Variants in SRGAP3 observed in about 807,000 individuals in gnomAD.
The protein encoded by SRGAP3 is SLIT-ROBO Rho GTPase activating protein 3.
In SRGAP3, 39 loss-of-function variants were observed where a neutral mutation model predicts 121.1. The observed-to-expected ratio is 0.32, with a 90% CI of 0.25 to 0.42. SRGAP3 has a LOEUF of 0.42. SRGAP3 is among the 10% of genes least tolerant of loss of function. SRGAP3 has a pLI of 1.00. For synonymous variants in SRGAP3, 601 were observed against 570.0 expected, an observed-to-expected ratio of 1.05 and a Z score of -0.77; for missense variants, 1,213 against 1,470.6, an observed-to-expected ratio of 0.82 and a Z score of 2.86.
At chr3:9,216,683 G>T (rs1375704321) in intron 1 of SRGAP3, 1 of 152,658 alleles carries the variant, frequency 6.6e-6, no homozygotes, top group Non-Finnish European at 1.5e-5. Context: ...GAGGTACTGA[G>T]GGGCCAAGTC....
intron 17 of SRGAP3, 81 bp from the exon 18 acceptor site, chr3:9,010,468 G>T: frequency 6.5e-7 from 1 of 1,534,930 alleles, no homozygotes; most frequent in Non-Finnish European, 9.0e-7. Flanking sequence ...TGCCAGTCCA[G>T]TTGGCCTCTG....
chr3:9,223,392 A>C (rs28415361), intron 1 of SRGAP3, among the ~76,000 whole-genome samples: 1,557 of 152,338 alleles, frequency 0.01, 27 homozygotes, highest in African/African-American at 0.036. Context: ...TAATGAATTA[A>C]ATAGATTTTT....
chr3:9,243,770 G>A (rs1023095402), intron 1 of SRGAP3, among the ~76,000 whole-genome samples: 29 of 152,130 alleles, frequency 1.9e-4, no homozygotes, highest in African/African-American at 6.3e-4. Context: ...CCAAGGCTTC[G>A]TGCGGACTTC....
At chr3:9,043,791 T>C (rs1945129306) in intron 10 of SRGAP3, among the ~76,000 whole-genome samples, 1 of 152,154 alleles carries the variant, frequency 6.6e-6, no homozygotes, top group African/African-American at 2.4e-5. Flanking sequence ...GCAATTAAAG[T>C]TGGCATGAAA....
intron 3 of SRGAP3, among the ~76,000 whole-genome samples, chr3:9,284,985 G>C (rs556268070): frequency 1.4e-4 from 21 of 152,230 alleles, no homozygotes; most frequent in African/African-American, 4.8e-4. Context: ...AGCAAAAGAA[G>C]CTAAGAGCCA....
In SRGAP3 at chr3:9,081,378, T is replaced by C. The variant is rs985187084; in HGVS notation, c.424-1291A>G. 9.2e-6 allele frequency: 4 copies of C among 435,406 alleles called. No homozygotes were observed. The Admixed American group carries it at 1.0e-4, about 11-fold the overall frequency. 27.0% of individuals were successfully genotyped at this position (435,406 alleles called of 1,614,324 possible). ...GGCACAAGGCAAAAGATCTAGCTTC[T>C]CATTTCCACTGTTGGCTGTGTGGCC... On this transcript the variant is annotated intron_variant, in intron 3 of 21. Transcript: ENST00000383836.
At chr3:9,169,288 GC>G (rs1406283831) in intron 1 of SRGAP3, among the ~76,000 whole-genome samples, 1 of 152,202 alleles carries the variant, frequency 6.6e-6, no homozygotes, top group African/African-American at 2.4e-5. Context: ...ATGAGACATA[GC>G]CCCTGCCCTT....
intron 1 of SRGAP3, among the ~76,000 whole-genome samples, chr3:9,203,156 T>G (rs1220517173): frequency 6.6e-6 from 1 of 152,108 alleles, no homozygotes; most frequent in Non-Finnish European, 1.5e-5. Context: ...TAAAGACATT[T>G]TTGTCCTCTT....
intron 1 of SRGAP3, among the ~76,000 whole-genome samples, chr3:9,247,107 T>A (rs1445237884): frequency 6.6e-6 from 1 of 152,148 alleles, no homozygotes; most frequent in Non-Finnish European, 1.5e-5. Flanking sequence ...AAACTCAACA[T>A]CCCCTTCTCT....
At chr3:9,217,027 T>C (rs1952659521) in intron 1 of SRGAP3, 1 of 152,072 alleles carries the variant, frequency 6.6e-6, no homozygotes, top group African/African-American at 2.4e-5. Flanking sequence ...AGGGAGTTCC[T>C]GTTCACTGGG....
chr3:9,255,074 G>A (rs111704505), intron 3 of SRGAP3, among the ~76,000 whole-genome samples: 47 of 152,320 alleles, frequency 3.1e-4, no homozygotes, highest in African/African-American at 1.1e-3. Flanking sequence ...AGAGGTGACA[G>A]TTGTACAACA....
At chr3:8,992,755 C>T in intron 20 of SRGAP3, 151 bp downstream of exon 20, 1 of 1,430,692 alleles carries the variant, frequency 7.0e-7, no homozygotes, top group Non-Finnish European at 9.7e-7. Flanking sequence ...TGGGCCAATG[C>T]CAGCCAGCCC....
chr3:9,114,347 C>G (rs17050036), intron 2 of SRGAP3, among the ~76,000 whole-genome samples: 10,329 of 152,226 alleles, frequency 0.068, 406 homozygotes, highest in African/African-American at 0.083. Context: ...ACTAGCACCT[C>G]AATAAGTTGT....
rs1418503256 is a variant in SRGAP3 at position 9,248,873 on chromosome 3, C to A, written c.67+12G>T. ...GGGAGGAGAAGGAAAACTCTCCCAG[C>A]CCGCATCTCACCTTTTATTTGGGCT... On this transcript the variant is annotated intron_variant, in intron 1 of 21. Transcript: ENST00000383836. 4 of 1,614,108 alleles carry A rather than the reference C, an allele frequency of 2.5e-6. No individual in the cohort carries two copies. The Admixed American group carries it at 6.7e-5, about 27-fold the overall frequency.
At chr3:9,338,497 A>G (rs1955729260) in intron 1 of SRGAP3, among the ~76,000 whole-genome samples, 1 of 152,204 alleles carries the variant, frequency 6.6e-6, no homozygotes, top group Non-Finnish European at 1.5e-5. Flanking sequence ...AATCACCAGC[A>G]TTGGGATGGA....
At chr3:9,216,124 A>T (rs185646290) in intron 1 of SRGAP3, among the ~76,000 whole-genome samples, 11 of 152,178 alleles carry the variant, frequency 7.2e-5, no homozygotes, top group Admixed American at 2.0e-4. Context: ...AGAGGGCCTG[A>T]GCACCAACTG....
intron 2 of SRGAP3, among the ~76,000 whole-genome samples, chr3:9,118,524 G>C (rs1260868654): frequency 6.6e-6 from 1 of 152,224 alleles, no homozygotes. Flanking sequence ...GCCTAGCTTG[G>C]AGAGGGCAGT....
At chr3:9,190,211 C>G (rs971450473) in intron 1 of SRGAP3, among the ~76,000 whole-genome samples, 1 of 152,152 alleles carries the variant, frequency 6.6e-6, no homozygotes, top group Non-Finnish European at 1.5e-5. Context: ...AAAGTCAATT[C>G]GCATTGGAAA....
chr3:9,224,770 C>A (rs1952930522), intron 1 of SRGAP3, among the ~76,000 whole-genome samples: 2 of 152,188 alleles, frequency 1.3e-5, no homozygotes, highest in African/African-American at 4.8e-5. Flanking sequence ...CTCAGAACAG[C>A]AGGGCATCTC....
Sources: allele counts gnomAD v4.1 joint callset (sites outside exome capture counted in the v4.1 genomes callset), GRCh38; gene constraint gnomAD v4.1.1; transcripts MANE v1.5; gene names NCBI Gene and HGNC (gene_info 2026-07-23, HGNC 2026-07-21).